GPR179: variants seen among roughly 807,000 people sequenced by gnomAD.
GPR179 encodes probable G protein-coupled receptor 179.
A neutral mutation model predicts 70.8 loss-of-function variants in GPR179; 52 were observed. The ratio of observed to expected loss-of-function variants is 0.73; its 90% confidence interval spans 0.59 to 0.93. The LOEUF (loss-of-function observed/expected upper bound fraction) is 0.93, where lower values mean the gene tolerates loss of function less well. GPR179 is among the 40% of genes least tolerant of loss of function. The probability of loss-of-function intolerance (pLI) is 0.00; values close to 1 mark genes in which losing one functional copy is unlikely to be tolerated. For synonymous variants in GPR179, 1,123 were observed against 1,169.0 expected (o/e 0.96, Z 0.80); for missense variants, 2,734 against 2,966.8 (o/e 0.92, Z 1.82).
Position 38,337,629 on chromosome 17 carries a change from ATACC to A in GPR179, c.991_991+3del. The A allele has an allele frequency of 6.2e-7, 1 of 1,604,556 alleles. No homozygotes were observed. The highest frequency in any genetic ancestry group is 8.5e-7 in the Non-Finnish European group (1 of 1,175,774). ...CATGCCTGGCCCCCACCACACTTAC[ATACC>A]CCCAGAGGGGCTTGCCCCGTAGAAT... is the stretch of plus-strand genomic sequence containing the variant. On this transcript the variant is annotated splice_donor_variant and splice_donor_region_variant and coding_sequence_variant and intron_variant, in exon 3 of 11. Coordinates refer to ENST00000616987, the MANE Select transcript of GPR179 (RefSeq NM_001004334.4). LOFTEE classifies it high-confidence loss of function.
Position 38,325,720 on chromosome 17 carries a change from A to G in GPR179, c.*745T>C, listed in dbSNP as rs2037279542. 6.6e-6 allele frequency: 1 copy of G among 152,446 alleles called. No individual in the cohort carries two copies. The highest frequency in any genetic ancestry group is 2.1e-4 in the South Asian group (1 of 4,824). 9.4% of individuals were successfully genotyped at this position (152,446 alleles called of 1,614,324 possible). A position where few individuals can be genotyped will look rare whatever the true frequency, so the allele number is the denominator to read the frequency against. On this transcript the variant is annotated 3_prime_UTR_variant, in exon 11 of 11. Transcript: ENST00000616987. Reference sequence around the variant, plus strand: ...TTGACTGTGGGGAGGACCTGGGGCAATTGCTTTTCTTCTGTGTTCTCTCTC... The same window carrying G: ...TTGACTGTGGGGAGGACCTGGGGCAGTTGCTTTTCTTCTGTGTTCTCTCTC...
intron 1 of GPR179, among the ~76,000 whole-genome samples, chr17:38,342,603 T>A (rs1412009106): frequency 6.6e-6 from 1 of 152,224 alleles, no homozygotes; most frequent in Non-Finnish European, 1.5e-5. Context: ...CCTCCCAAAG[T>A]GTTGGGATTA....
Position 38,327,731 on chromosome 17 carries a change from A to G in GPR179, c.5838T>C (p.Asp1946=), listed in dbSNP as rs781671409. 1.2e-6 allele frequency: 2 copies of G among 1,614,060 alleles called. No individual in the cohort carries two copies. Among genetic ancestry groups the G allele is most frequent in the Non-Finnish European group, 8.5e-7 (1 of 1,180,012 alleles). The change falls in exon 11 of 11, where the codon GAT becomes GAC. Residue 1946 remains aspartate, a synonymous_variant. Transcript: ENST00000616987. ...GTAGCTCATGGCTTGTTTTTTCCCC[A>G]TCTTCAGTAGTGAATTCTTCTGTGT... ...AADTEEFTTE[D]GEKTSHELQS...
intron 1 of GPR179, 119 bp from the exon 2 acceptor site, chr17:38,339,644 A>C: frequency 1.4e-6 from 1 of 709,808 alleles, no homozygotes; most frequent in Non-Finnish European, 2.5e-6. Context: ...TGGCATGCTG[A>C]GGACTTTGAA....
At position 38,327,680 on chromosome 17, in the gene GPR179, A is replaced by G; in HGVS notation, c.5889T>C (p.Thr1963=). Residue 1963 remains threonine, a synonymous_variant, in exon 11 of 11, where the codon ACT becomes ACC. Transcript: ENST00000616987. ...GGTGAGAGACGGAATCTGCTGGGGC[A>G]GTGGTCTCCCATGGACAGACGGATT... is the stretch of plus-strand genomic sequence containing the variant. ...ELQSVCPWET[T]APADSVSHLD... is the part of the protein sequence containing the mutation. 1 of 1,614,242 alleles carries G rather than the reference A, an allele frequency of 6.2e-7. No homozygotes were observed. Among genetic ancestry groups the G allele is most frequent in the South Asian group, 1.1e-5 (1 of 91,088 alleles).
chr17:38,334,216 C>T lies in GPR179; in HGVS notation c.1785-178G>A, dbSNP rs1307517713. 6.6e-6 allele frequency among the ~76,000 whole-genome samples: 1 copy of T among 152,234 alleles called. No individual in the cohort carries two copies. The highest frequency in any genetic ancestry group is 1.5e-5 in the Non-Finnish European group (1 of 68,046). ...CCACTTCAATCCTGTTAATCCCAAC[C>T]TCCAAGACGCCCTCCCAGAATACTC... On this transcript the variant is annotated intron_variant, in intron 8 of 10. Transcript: ENST00000616987. This position sits in a 1 kb window ranked among gnomAD's most constrained non-coding sequence, Gnocchi z 4.7.
Position 38,330,936 on chromosome 17 carries a change from G to A in GPR179, c.2633C>T (p.Ala878Val). The change falls in exon 11 of 11, where the codon GCC (alanine) becomes GTC (valine). Residue 878 changes from alanine (A) to valine (V), a missense_variant. Coordinates refer to ENST00000616987, the MANE Select transcript of GPR179 (RefSeq NM_001004334.4). ...TGGCCTCCGCACCAGGCTGGCCATG[G>A]CTGCCTTGGCCTTCTTCCGCTCCTC... is the stretch of plus-strand genomic sequence containing the variant. ...EREERKKAKAAMASLVRRPSA... is the reference protein window; with the variant it reads ...EREERKKAKAVMASLVRRPSA... The A allele has an allele frequency of 6.2e-7, 1 of 1,609,718 alleles. No individual in the cohort carries two copies. Among genetic ancestry groups the A allele is most frequent in the Non-Finnish European group, 8.5e-7 (1 of 1,178,440 alleles).
At chr17:38,342,936 C>A (rs948845327) in intron 1 of GPR179, 60 bp downstream of exon 1, 27 of 1,492,954 alleles carry the variant, frequency 1.8e-5, no homozygotes, top group Non-Finnish European at 2.4e-5. Flanking sequence ...GCTGAGGGGA[C>A]CTGTACTTCC....
At position 38,329,612 on chromosome 17, in the gene GPR179, T is replaced by G. The variant is rs1489106121; in HGVS notation, c.3957A>C (p.Ala1319=). 1.9e-6 allele frequency: 3 copies of G among 1,613,980 alleles called. No individual in the cohort carries two copies. Among genetic ancestry groups the G allele is most frequent in the African/African-American group, 1.3e-5 (1 of 74,950 alleles). Residue 1319 remains alanine (A), a synonymous_variant, in exon 11 of 11, where the codon GCA becomes GCC. Transcript: ENST00000616987. The stretch of plus-strand genomic sequence containing the variant: ...GATCGGCACTCTCCCAGGGACACAC[T>G]GCTTCCTGCTCCCTCACCAGCCTCT... ...KPERLVREQE[A]VCPWESADRG... is the part of the protein sequence containing the mutation.
Position 38,337,632 on chromosome 17 carries a change from CCCCCAGAGGGGCT to C in GPR179, c.979_991del (p.Ser327GlyfsTer2). The C allele has an allele frequency of 6.2e-7, 1 of 1,607,390 alleles. No homozygotes were observed. The highest frequency in any genetic ancestry group is 1.1e-5 in the South Asian group (1 of 90,050). The stretch of plus-strand genomic sequence containing the variant: ...GCCTGGCCCCCACCACACTTACATA[CCCCCAGAGGGGCT>C]TGCCCCGTAGAATCCAGGTCGGCAG... On this transcript the variant is annotated frameshift_variant and splice_region_variant, in exon 3 of 11. Coordinates refer to ENST00000616987, the MANE Select transcript of GPR179 (RefSeq NM_001004334.4). LOFTEE classifies it high-confidence loss of function.
Position 38,326,828 on chromosome 17 carries a change from A to C in GPR179, c.6741T>G (p.Thr2247=). 1 of 1,614,202 alleles carries C rather than the reference A, an allele frequency of 6.2e-7. No homozygotes were observed. The highest frequency in any genetic ancestry group is 8.5e-7 in the Non-Finnish European group (1 of 1,180,010). Residue 2247 remains threonine (T), a synonymous_variant, in exon 11 of 11, where the codon ACT becomes ACG. Transcript: ENST00000616987. ...TMADICPGEE[T]GVPSEESGLL... ...GGCCAGATTCCTCAGATGGGACTCC[A>C]GTTTCCTCCCCAGGACAGATGTCTG...
At chr17:38,337,786 G>A in intron 2 of GPR179, 66 bp from the exon 3 acceptor site, 2 of 1,382,784 alleles carry the variant, frequency 1.4e-6, no homozygotes, top group South Asian at 1.2e-5. Context: ...TTCCCTCCTG[G>A]GAGAGATGGA....
rs887010483 is a variant in GPR179 at position 38,331,121 on chromosome 17, C to G, written c.2448G>C (p.Arg816Ser). 14 of 1,603,300 alleles carry G rather than the reference C, an allele frequency of 8.7e-6. No individual in the cohort carries two copies. Among genetic ancestry groups the G allele is most frequent in the Non-Finnish European group, 1.2e-5 (14 of 1,179,536 alleles). ...CCGTCAGGTTGTGGGCGCTGGCTGACCTGAAGCCCAGGGCAGGGGGCCCCT... is the reference window on the plus strand; with the variant it reads ...CCGTCAGGTTGTGGGCGCTGGCTGAGCTGAAGCCCAGGGCAGGGGGCCCCT... ...SVEGPPALGF[R>S]SASAHNLTVG... is the part of the protein sequence containing the mutation. The change falls in exon 11 of 11, where the codon AGG becomes AGC. Residue 816 changes from arginine to serine, a missense_variant. Arg to Ser is a moderately radical substitution (Grantham distance 110). Transcript: ENST00000616987.
chr17:38,335,776 G>A (rs545746400), intron 5 of GPR179, 76 bp from the exon 6 acceptor site: 1 of 940,524 alleles, frequency 1.1e-6, no homozygotes, highest in African/African-American at 1.6e-5. Context: ...AGCACACTGT[G>A]GATCCTCCCA....
At chr17:38,333,495 G>T in intron 9 of GPR179, 98 bp from the exon 10 acceptor site, 1 of 1,219,078 alleles carries the variant, frequency 8.2e-7, no homozygotes, top group Non-Finnish European at 1.1e-6. Context: ...ACTTTGTGAC[G>T]CTTCACCCCC....
Position 38,330,629 on chromosome 17 carries a change from T to C in GPR179, c.2940A>G (p.Pro980=), listed in dbSNP as rs770616902. The change falls in exon 11 of 11, where the codon CCA becomes CCG. Residue 980 remains proline, a synonymous_variant. Coordinates refer to ENST00000616987, the MANE Select transcript of GPR179 (RefSeq NM_001004334.4). Reference sequence around the variant, plus strand: ...GTAAGTTGGGGCTTTGTGGGGATACTGGGACTGGTGCCAGGGCAGGGGCTG... The same window carrying C: ...GTAAGTTGGGGCTTTGTGGGGATACCGGGACTGGTGCCAGGGCAGGGGCTG... ...PTPAPALAPV[P]VSPQSPNLLT... is the part of the protein sequence containing the mutation. 7.6e-6 allele frequency: 12 copies of C among 1,585,346 alleles called. No individual in the cohort carries two copies. The highest frequency in any genetic ancestry group is 1.2e-5 in the South Asian group (1 of 86,508).
chr17:38,332,659 T>G (rs926907239), intron 10 of GPR179, among the ~76,000 whole-genome samples: 3 of 152,148 alleles, frequency 2.0e-5, no homozygotes, highest in African/African-American at 7.2e-5. Context: ...CAGGCTGGAG[T>G]GCAGTGGTGC....
chr17:38,337,798 G>A, intron 2 of GPR179, 78 bp from the exon 3 acceptor site: 1 of 1,229,960 alleles, frequency 8.1e-7, no homozygotes, highest in Admixed American at 1.8e-5. Context: ...AGAGATGGAG[G>A]GTCCATCTAC....
chr17:38,336,206 G>T, intron 4 of GPR179, 62 bp from the exon 5 acceptor site: 1 of 1,155,102 alleles, frequency 8.7e-7, no homozygotes, highest in Non-Finnish European at 1.3e-6. Context: ...AGGCTCTCAG[G>T]CCTATGTGAA....
Sources: allele counts gnomAD v4.1 joint callset (sites outside exome capture counted in the v4.1 genomes callset), GRCh38; gene constraint gnomAD v4.1.1; non-coding constraint Gnocchi (gnomAD v3.1); transcripts MANE v1.5; gene names NCBI Gene and HGNC (gene_info 2026-07-23, HGNC 2026-07-21).